Variants in EXOC6B observed in about 807,000 individuals in gnomAD.
EXOC6B encodes SEC15 homolog B.
Under a neutral mutation model 113.5 loss-of-function variants are expected in EXOC6B, and 54 were observed. The observed-to-expected ratio is 0.48, with a 90% confidence interval of 0.38 to 0.60. EXOC6B has a LOEUF of 0.60. Ranked by LOEUF, EXOC6B falls within the 20% of genes least tolerant of loss-of-function variation. EXOC6B has a pLI of 0.00. For missense variants in EXOC6B, 797 were observed against 977.5 expected, an observed-to-expected ratio of 0.82 and a Z score of 2.46; for synonymous variants, 357 against 339.0, an observed-to-expected ratio of 1.05 and a Z score of -0.58.
intron 17 of EXOC6B, among the ~76,000 whole-genome samples, chr2:72,472,590 T>C (rs1698478972): frequency 6.6e-6 from 1 of 152,146 alleles, no homozygotes; most frequent in Non-Finnish European, 1.5e-5. Flanking sequence ...GTCTTCACTG[T>C]ACTCTTCTTG....
chr2:72,753,578 C>A (rs1055547232), intron 1 of EXOC6B, among the ~76,000 whole-genome samples: 1 of 152,102 alleles, frequency 6.6e-6, no homozygotes, highest in African/African-American at 2.4e-5. Flanking sequence ...ACTTCTTTGA[C>A]AGTAATTTTT....
intron 19 of EXOC6B, among the ~76,000 whole-genome samples, chr2:72,366,385 A>T (rs889459326): frequency 6.6e-6 from 1 of 152,150 alleles, no homozygotes; most frequent in Non-Finnish European, 1.5e-5. Flanking sequence ...AATAGAAAGC[A>T]TCCAAAATGA....
At chr2:72,309,802 C>T (rs1558544138) in intron 20 of EXOC6B, among the ~76,000 whole-genome samples, 2 of 152,162 alleles carry the variant, frequency 1.3e-5, no homozygotes, top group Non-Finnish European at 2.9e-5. Context: ...CCATATTAAG[C>T]AGTCAGTCCT....
intron 6 of EXOC6B, among the ~76,000 whole-genome samples, chr2:72,590,880 A>G (rs921150606): frequency 1.3e-5 from 2 of 151,978 alleles, no homozygotes; most frequent in Non-Finnish European, 2.9e-5. Context: ...AGCTTATAAC[A>G]ATGAATTAAA....
intron 18 of EXOC6B, chr2:72,464,728 TAAGAAAACA>T (rs1283483809): frequency 1.7e-4 from 29 of 165,970 alleles, no homozygotes; most frequent in Non-Finnish European, 3.0e-4. Flanking sequence ...TTAATATGCT[TAAGAAAACA>T]GAGAAAACAT....
intron 1 of EXOC6B, among the ~76,000 whole-genome samples, chr2:72,818,563 G>A (rs1290264884): frequency 1.3e-5 from 2 of 152,076 alleles, no homozygotes; most frequent in African/African-American, 4.8e-5. Context: ...CCAAAGTGCA[G>A]AGATTGCAAG....
In EXOC6B at chr2:72,313,554, C is replaced by T. The variant is rs116787458; in HGVS notation, c.2196+21393G>A. Among the ~76,000 whole-genome samples the T allele has an allele frequency of 5.4e-3, 821 of 152,042 alleles. 8 individuals are homozygous for T. Among genetic ancestry groups the T allele is most frequent in the African/African-American group, 0.019 (787 of 41,474 alleles). On this transcript the variant is annotated intron_variant, in intron 20 of 21. Coordinates refer to ENST00000272427, the MANE Select transcript of EXOC6B (RefSeq NM_015189.3). ...GAAGGGTGTGTATATGTAAAATTAC[C>T]ACTAGATTCTGGAGAAAGAAAATAG... is the stretch of plus-strand genomic sequence containing the variant.
chr2:72,196,336 G>A (rs1679166719), intron 20 of EXOC6B, among the ~76,000 whole-genome samples: 1 of 152,114 alleles, frequency 6.6e-6, no homozygotes, highest in Non-Finnish European at 1.5e-5. Flanking sequence ...GGATCGTAAA[G>A]CAGGTAATGT....
At chr2:72,760,673 A>G (rs1317815883) in intron 1 of EXOC6B, 1 of 152,364 alleles carries the variant, frequency 6.6e-6, no homozygotes, top group African/African-American at 2.4e-5. Flanking sequence ...TAGAGCAATG[A>G]AAATAAAATT....
chr2:72,689,481 C>T (rs1007313527), intron 6 of EXOC6B, among the ~76,000 whole-genome samples: 10 of 152,342 alleles, frequency 6.6e-5, no homozygotes, highest in African/African-American at 2.4e-4. Context: ...AAGATAGGTA[C>T]ACCACAGTAG....
chr2:72,413,516 C>G (rs1020540899), intron 18 of EXOC6B, among the ~76,000 whole-genome samples: 2 of 150,894 alleles, frequency 1.3e-5, no homozygotes, highest in Non-Finnish European at 3.0e-5. Flanking sequence ...AACCCAATCT[C>G]TACTAAAAAT....
chr2:72,805,371 C>G (rs572023546), intron 1 of EXOC6B, among the ~76,000 whole-genome samples: 1 of 152,206 alleles, frequency 6.6e-6, no homozygotes, highest in Non-Finnish European at 1.5e-5. Flanking sequence ...CAGTTTACAT[C>G]TGGTGCACCT....
rs1573582364 is a variant in EXOC6B, at chr2:72,664,903, C to T, written c.669+53200G>A. Among the ~76,000 whole-genome samples, 2 of 152,200 alleles carry T rather than the reference C, an allele frequency of 1.3e-5. 1 individual carries two copies. Among genetic ancestry groups the T allele is most frequent in the South Asian group, 4.1e-4 (2 of 4,828 alleles). Reference sequence around the variant, plus strand: ...ACAGCCAGTGCCCATCCCAGAGGGGCCAAAGGATGGAGCTGTGGGCCCAGT... The same window carrying T: ...ACAGCCAGTGCCCATCCCAGAGGGGTCAAAGGATGGAGCTGTGGGCCCAGT... On this transcript the variant is annotated intron_variant, in intron 6 of 21. Transcript: ENST00000272427.
chr2:72,804,138 G>A (rs1180039737), intron 1 of EXOC6B, among the ~76,000 whole-genome samples: 1 of 152,196 alleles, frequency 6.6e-6, no homozygotes, highest in Non-Finnish European at 1.5e-5. Context: ...CTGACCCTTG[G>A]CTTTCCATCA....
Position 72,714,455 on chromosome 2 carries a change from G to A in EXOC6B, c.669+3648C>T, listed in dbSNP as rs950598. Among the ~76,000 whole-genome samples the A allele has an allele frequency of 5.6e-3, 847 of 152,232 alleles. 7 individuals are homozygous for A. The highest frequency in any genetic ancestry group is 0.02 in the African/African-American group (817 of 41,546). On this transcript the variant is annotated intron_variant, in intron 6 of 21. Transcript: ENST00000272427. ...AGAGTTATAGTGTACACTGGTATTC[G>A]CTTTCTGCTTTTGGCAAGGTAGTGC...
chr2:72,525,305 C>T lies in EXOC6B; in HGVS notation c.916-10179G>A, dbSNP rs1380004688. On this transcript the variant is annotated intron_variant, in intron 8 of 21. Transcript: ENST00000272427. ...TTATTATCAGATTCAGTTTGGCTGG[C>T]TCCTTTCATAGCATTACCAATTACA... Among the ~76,000 whole-genome samples the T allele has an allele frequency of 2.0e-5, 3 of 149,906 alleles. 1 individual carries two copies. The highest frequency in any genetic ancestry group is 4.4e-5 in the Non-Finnish European group (3 of 67,486).
intron 1 of EXOC6B, among the ~76,000 whole-genome samples, chr2:72,756,075 G>A (rs1293084463): frequency 6.6e-6 from 1 of 151,992 alleles, no homozygotes; most frequent in Non-Finnish European, 1.5e-5. Context: ...TTTTTAAGGG[G>A]GACGTTTTTA....
intron 6 of EXOC6B, among the ~76,000 whole-genome samples, chr2:72,597,922 A>G (rs754502855): frequency 8.6e-5 from 13 of 152,030 alleles, no homozygotes; most frequent in Non-Finnish European, 1.6e-4. Flanking sequence ...ACCTAACAAC[A>G]GAGCACCAAT....
chr2:72,325,167 C>A (rs555670610), intron 20 of EXOC6B, among the ~76,000 whole-genome samples: 20 of 152,202 alleles, frequency 1.3e-4, no homozygotes, highest in Admixed American at 3.3e-4. Flanking sequence ...TACAACAATC[C>A]CTTAACCGCA....
Sources: allele counts gnomAD v4.1 joint callset (sites outside exome capture counted in the v4.1 genomes callset), GRCh38; gene constraint gnomAD v4.1.1; transcripts MANE v1.5; gene names NCBI Gene and HGNC (gene_info 2026-07-23, HGNC 2026-07-21).